Variants in EP400 observed in about 807,000 individuals in gnomAD.
The protein encoded by EP400 is E1A binding protein p400, also known as E1A-binding protein p400.
A neutral mutation model predicts 354.1 loss-of-function variants in EP400; 105 were observed. That is an observed-to-expected ratio of 0.30 (90% CI 0.25 to 0.35). EP400 has a LOEUF of 0.35. EP400 is among the 10% of genes least tolerant of loss of function. EP400 has a pLI of 1.00. For missense variants in EP400, 3,280 were observed against 4,121.0 expected, an observed-to-expected ratio of 0.80 and a Z score of 5.59; for synonymous variants, 1,646 against 1,716.9, an observed-to-expected ratio of 0.96 and a Z score of 1.02.
intron 39 of EP400, among the ~76,000 whole-genome samples, chr12:132,048,994 A>G (rs916619223): frequency 1.3e-5 from 2 of 152,238 alleles, no homozygotes; most frequent in Admixed American, 6.5e-5. Flanking sequence ...CATTCTGTAC[A>G]TAGAGGACAT....
At chr12:131,956,871 T>C (rs1464435755) in intron 1 of EP400, among the ~76,000 whole-genome samples, 3 of 117,682 alleles carry the variant, frequency 2.5e-5, no homozygotes, top group Non-Finnish European at 3.4e-5. Context: ...TCTTTTTTTG[T>C]CCTTTTTTTT....
intron 39 of EP400, among the ~76,000 whole-genome samples, chr12:132,049,445 G>A (rs2136585349): frequency 6.6e-6 from 1 of 152,320 alleles, no homozygotes; most frequent in African/African-American, 2.4e-5. Flanking sequence ...GTTGTCCTTG[G>A]TGTTGCCTTC....
chr12:132,049,999 C>T (rs1354391324), intron 39 of EP400, among the ~76,000 whole-genome samples: 1 of 152,242 alleles, frequency 6.6e-6, no homozygotes, highest in African/African-American at 2.4e-5. Flanking sequence ...CCGCTCCACA[C>T]AGTCACCTGC....
Position 132,011,644 on chromosome 12 carries a change from T to G in EP400, c.3441+10T>G, listed in dbSNP as rs751829616. 2.0e-5 allele frequency: 31 copies of G among 1,585,824 alleles called. No homozygotes were observed. Among genetic ancestry groups the G allele is most frequent in the African/African-American group, 4.1e-5 (3 of 72,820 alleles). On this transcript the variant is annotated intron_variant, in intron 16 of 52. Coordinates refer to ENST00000389561, the MANE Select transcript of EP400 (RefSeq NM_015409.5). Reference sequence around the variant, plus strand: ...CAAAGCAAAGAGACAGGTATTTTTTTTTTAAACATAAAATAAAGCTAAACA... The same window carrying G: ...CAAAGCAAAGAGACAGGTATTTTTTGTTTAAACATAAAATAAAGCTAAACA...
Position 131,950,025 on chromosome 12 carries a change from C to T in EP400, c.-47C>T, listed in dbSNP as rs1891403436. On this transcript the variant is annotated 5_prime_UTR_variant, in exon 1 of 53. Transcript: ENST00000389561. ...CTCCTGACGCGGCCGGAGCGCAGCC[C>T]TGAGGCCCAGGGTAAGTGAGGGCGG... 1 of 151,864 alleles carries T rather than the reference C, an allele frequency of 6.6e-6. No homozygotes were observed. The highest frequency in any genetic ancestry group is 2.1e-4 in the South Asian group (1 of 4,836). 9.4% of individuals were successfully genotyped at this position (151,864 alleles called of 1,614,324 possible).
chr12:132,010,950 A>G (rs1020456298), intron 15 of EP400, among the ~76,000 whole-genome samples: 1 of 152,218 alleles, frequency 6.6e-6, no homozygotes, highest in African/African-American at 2.4e-5. Flanking sequence ...CTTAAAAAAA[A>G]CAAAATCTTA....
intron 45 of EP400, among the ~76,000 whole-genome samples, chr12:132,056,446 C>T: frequency 6.6e-6 from 1 of 151,866 alleles, no homozygotes; most frequent in East Asian, 1.9e-4. Context: ...CACACACACA[C>T]ATTTTCAGTT....
chr12:132,031,853 C>G, intron 29 of EP400, 100 bp from the exon 30 acceptor site: 1 of 1,308,486 alleles, frequency 7.6e-7, no homozygotes, highest in Non-Finnish European at 1.1e-6. Flanking sequence ...CCACGCCCGG[C>G]CTGCTGTGGG....
intron 2 of EP400, among the ~76,000 whole-genome samples, chr12:131,979,351 T>C (rs985082695): frequency 6.6e-6 from 1 of 152,246 alleles, no homozygotes; most frequent in Non-Finnish European, 1.5e-5. Flanking sequence ...GTGTGACTGA[T>C]GAGTCGGCTG....
chr12:132,019,920 C>T (rs993999476), intron 21 of EP400, 129 bp from the exon 22 acceptor site: 2 of 1,008,546 alleles, frequency 2.0e-6, no homozygotes, highest in Non-Finnish European at 2.7e-6. Context: ...CCTCTGTAAA[C>T]TGCACTCTGG....
Position 132,018,129 on chromosome 12 carries a change from CT to C in EP400, c.4111-80del, listed in dbSNP as rs934482783. 5.7e-6 allele frequency: 9 copies of C among 1,573,158 alleles called. No homozygotes were observed. In the Admixed American group the frequency reaches 1.7e-4, roughly 30 times the overall value. On this transcript the variant is annotated intron_variant, in intron 20 of 52. Transcript: ENST00000389561. The surrounding 1 kb of genome is among the most constrained non-coding windows in gnomAD (Gnocchi z 4.0). The stretch of plus-strand genomic sequence containing the variant: ...GCGTCTGGATGCCCACGTTAGGGCC[CT>C]GCCATAGAAATCAGTTTTGATTCTT...
chr12:131,998,471 G>A (rs1172326247), intron 12 of EP400, among the ~76,000 whole-genome samples: 2 of 151,884 alleles, frequency 1.3e-5, no homozygotes, highest in African/African-American at 4.8e-5. Flanking sequence ...TTTCATGATT[G>A]TGTCTCTTTT....
rs530506061 is a variant in EP400 at position 132,019,388 on chromosome 12, G to A, written c.4278-661G>A. Among the ~76,000 whole-genome samples the A allele has an allele frequency of 3.7e-4, 56 of 152,218 alleles. 1 individual carries two copies. The South Asian group carries it at 0.011, about 30-fold the overall frequency. On this transcript the variant is annotated intron_variant, in intron 21 of 52. Coordinates refer to ENST00000389561, the MANE Select transcript of EP400 (RefSeq NM_015409.5). ...GTCTCTGCCTGTTACATTGTATAGG[G>A]GTTTTGAAAATGGCCAATATAGTTC...
intron 45 of EP400, among the ~76,000 whole-genome samples, chr12:132,058,075 G>A (rs1895572744): frequency 6.6e-6 from 1 of 151,878 alleles, no homozygotes; most frequent in Admixed American, 6.6e-5. Context: ...TCAGGAGAAA[G>A]TGATGTTGGG....
At chr12:131,981,734 C>CT in intron 4 of EP400, 138 bp downstream of exon 4, 3 of 702,670 alleles carry the variant, frequency 4.3e-6, no homozygotes, top group East Asian at 5.4e-5. Flanking sequence ...AGATACTTCT[C>CT]TGAGTCCCAG....
chr12:132,023,275 G>A (rs1319395432), intron 23 of EP400, among the ~76,000 whole-genome samples: 2 of 148,140 alleles, frequency 1.4e-5, no homozygotes, highest in Admixed American at 1.3e-4. Context: ...TCGGATTACA[G>A]GCGCCCACCA....
chr12:132,045,024 T>C, intron 37 of EP400, 71 bp downstream of exon 37: 1 of 1,569,534 alleles, frequency 6.4e-7, no homozygotes, highest in Non-Finnish European at 8.6e-7. Flanking sequence ...GTCAGCCACT[T>C]TCTGCTGTCT....
chr12:131,952,792 G>C (rs1053852376), intron 1 of EP400, among the ~76,000 whole-genome samples: 3 of 152,042 alleles, frequency 2.0e-5, no homozygotes, highest in Admixed American at 6.6e-5. Context: ...TGGTGTGAAC[G>C]TACCGGTTTG....
chr12:132,061,956 A>AT (rs1321194219), intron 45 of EP400, among the ~76,000 whole-genome samples, 154 bp from the exon 46 acceptor site: 2 of 152,248 alleles, frequency 1.3e-5, no homozygotes, highest in African/African-American at 4.8e-5. Context: ...GAATTTACAC[A>AT]TGAAATCAGC....
Sources: allele counts gnomAD v4.1 joint callset (sites outside exome capture counted in the v4.1 genomes callset), GRCh38; gene constraint gnomAD v4.1.1; non-coding constraint Gnocchi (gnomAD v3.1); transcripts MANE v1.5; gene names NCBI Gene and HGNC (gene_info 2026-07-23, HGNC 2026-07-21).